TGFBRAP1: variants seen among roughly 807,000 people sequenced by gnomAD.
TGFBRAP1 encodes transforming growth factor-beta receptor-associated protein 1.
Under a neutral mutation model 83.2 loss-of-function variants are expected in TGFBRAP1, and 20 were observed. That is an observed-to-expected ratio of 0.24 (90% CI 0.17 to 0.35). The LOEUF is 0.35. Among genes scored for constraint, TGFBRAP1 ranks in the 10% least tolerant of loss-of-function variants. The pLI, the probability that TGFBRAP1 is intolerant of heterozygous loss-of-function variation, is 1.00. For synonymous variants in TGFBRAP1, 415 were observed against 459.8 expected (o/e 0.90, Z 1.25); for missense variants, 950 against 1,099.4 (o/e 0.86, Z 1.92).
chr2:105,291,192 T>A (rs79333331), intron 4 of TGFBRAP1, among the ~76,000 whole-genome samples: 4,667 of 152,062 alleles, frequency 0.031, 137 homozygotes, highest in Admixed American at 0.084. Context: ...GGTGGAGCCC[T>A]CATGAATGGG....
the TGFBRAP1 span, among the ~76,000 whole-genome samples, chr2:105,254,127 T>A: frequency 6.6e-6 from 1 of 152,328 alleles, no homozygotes; most frequent in African/African-American, 2.4e-5. Flanking sequence ...TAAATTTTTC[T>A]GCCTAGCTGC....
At chr2:105,251,231 C>A in the TGFBRAP1 span, among the ~76,000 whole-genome samples, 7 of 150,558 alleles carry the variant, frequency 4.6e-5, no homozygotes, top group South Asian at 2.1e-4. Flanking sequence ...GCCGCCACCC[C>A]GTCTGGGAAG....
intron 4 of TGFBRAP1, among the ~76,000 whole-genome samples, chr2:105,285,082 T>C (rs561998862): frequency 2.6e-5 from 4 of 152,336 alleles, no homozygotes; most frequent in Non-Finnish European, 5.9e-5. Flanking sequence ...ATGGCTGGTG[T>C]CCTCGTCTTG....
intron 5 of TGFBRAP1, among the ~76,000 whole-genome samples, chr2:105,283,605 T>C (rs1324889908): frequency 1.3e-5 from 2 of 152,222 alleles, no homozygotes; most frequent in Non-Finnish European, 2.9e-5. Context: ...CTTAATCTTC[T>C]GCAAAGAGTG....
In TGFBRAP1 at chr2:105,269,396, C is replaced by G; in HGVS notation, c.2282G>C (p.Trp761Ser). The change falls in exon 11 of 12, where the codon TGG becomes TCG. Residue 761 changes from tryptophan (W) to serine (S), a missense_variant. Physicochemically the swap from Trp to Ser is radical, Grantham distance 177 (BLOSUM62 -3). Coordinates refer to ENST00000393359, the MANE Select transcript of TGFBRAP1 (RefSeq NM_004257.6). The surrounding 1 kb of genome is among the most constrained non-coding windows in gnomAD (Gnocchi z 4.1). ...GAATGGGCAGAGGAGCTGCACTGAC[C>G]AGGTGTCAGGCAGCATCTGCAGCAC... Reference protein sequence around the residue: ...AQVLQMLPDTWSVQLLCPFLM... With the variant: ...AQVLQMLPDTSSVQLLCPFLM... The G allele has an allele frequency of 6.2e-7, 1 of 1,613,998 alleles. No individual in the cohort carries two copies. Among genetic ancestry groups the G allele is most frequent in the Non-Finnish European group, 8.5e-7 (1 of 1,180,008 alleles).
chr2:105,252,456 G>T, the TGFBRAP1 span, among the ~76,000 whole-genome samples: 1 of 152,284 alleles, frequency 6.6e-6, no homozygotes, highest in Non-Finnish European at 1.5e-5. Flanking sequence ...CTTGCAGGGG[G>T]TTCTGGGGAG....
intron 9 of TGFBRAP1, 63 bp from the exon 10 acceptor site, chr2:105,273,077 T>G: frequency 7.0e-6 from 11 of 1,574,146 alleles, no homozygotes; most frequent in Non-Finnish European, 9.5e-6. Flanking sequence ...GTCAAAGCTC[T>G]CCCCTGTCAG....
chr2:105,283,492 T>G (rs1220334252), intron 5 of TGFBRAP1, among the ~76,000 whole-genome samples: 2 of 152,226 alleles, frequency 1.3e-5, no homozygotes, highest in African/African-American at 4.8e-5. Context: ...ATTTCTTAGA[T>G]AGCTGTAAAC....
At chr2:105,298,761 C>T in intron 2 of TGFBRAP1, 56 bp from the exon 3 acceptor site, 1 of 1,497,360 alleles carries the variant, frequency 6.7e-7, no homozygotes, top group Non-Finnish European at 9.0e-7. Context: ...GTGTCATTTT[C>T]CTGTAGCTAT....
downstream of TGFBRAP1, among the ~76,000 whole-genome samples, chr2:105,263,269 G>T (rs1354766500): frequency 2.0e-5 from 3 of 152,204 alleles, no homozygotes; most frequent in East Asian, 5.8e-4. Flanking sequence ...AGGTAAAAAT[G>T]AGAAAAGAAT....
At chr2:105,277,316 G>T (rs555255571) in intron 7 of TGFBRAP1, among the ~76,000 whole-genome samples, 6 of 152,160 alleles carry the variant, frequency 3.9e-5, no homozygotes, top group Non-Finnish European at 8.8e-5. Flanking sequence ...TTTCTGATAA[G>T]GGTAGTGATA....
intron 10 of TGFBRAP1, among the ~76,000 whole-genome samples, chr2:105,272,120 C>T (rs1011389336): frequency 1.3e-5 from 2 of 152,088 alleles, no homozygotes; most frequent in African/African-American, 4.8e-5. Context: ...CATCACTAAC[C>T]CCAGTGAGTA....
At chr2:105,300,937 A>G (rs949908413) in intron 2 of TGFBRAP1, among the ~76,000 whole-genome samples, 1 of 152,044 alleles carries the variant, frequency 6.6e-6, no homozygotes, top group African/African-American at 2.4e-5. Flanking sequence ...AAAAGATAAA[A>G]TTGAGGTTGG....
chr2:105,278,834 T>A (rs1044729126), intron 6 of TGFBRAP1, among the ~76,000 whole-genome samples: 5 of 151,894 alleles, frequency 3.3e-5, no homozygotes, highest in African/African-American at 1.2e-4. Flanking sequence ...GATCCCACCA[T>A]CCCTTGTCAC....
chr2:105,317,374 T>C (rs1156963820), intron 1 of TGFBRAP1, among the ~76,000 whole-genome samples: 1 of 151,806 alleles, frequency 6.6e-6, no homozygotes, highest in Admixed American at 6.6e-5. Flanking sequence ...GAGGCGGAGA[T>C]TGCAGTGAGC....
chr2:105,252,944 C>T, the TGFBRAP1 span, among the ~76,000 whole-genome samples: 44 of 151,540 alleles, frequency 2.9e-4, no homozygotes, highest in African/African-American at 1.0e-3. Context: ...TTAGTAGCGA[C>T]GGGGTTTCAC....
chr2:105,277,885 T>G lies in TGFBRAP1; in HGVS notation c.1464-214A>C, dbSNP rs536287209. On this transcript the variant is annotated intron_variant, in intron 6 of 11. Coordinates refer to ENST00000393359, the MANE Select transcript of TGFBRAP1 (RefSeq NM_004257.6). Reference sequence around the variant, plus strand: ...CCTGGGCAACAACATAGTGAGATCTTGTCTTTATTAAAATATTTTTAAAAA... The same window carrying G: ...CCTGGGCAACAACATAGTGAGATCTGGTCTTTATTAAAATATTTTTAAAAA... Among the ~76,000 whole-genome samples the G allele has an allele frequency of 4.7e-4, 72 of 152,254 alleles. 2 individuals are homozygous for G. The South Asian group carries it at 0.013, about 29-fold the overall frequency.
chr2:105,307,611 C>T lies in TGFBRAP1; in HGVS notation c.688+3G>A. 1 of 1,603,930 alleles carries T rather than the reference C, an allele frequency of 6.2e-7. No homozygotes were observed. On this transcript the variant is annotated splice_donor_region_variant and intron_variant, in intron 2 of 11. Coordinates refer to ENST00000393359, the MANE Select transcript of TGFBRAP1 (RefSeq NM_004257.6). ...ATCAGGCGCACAAATGCATCCTCCTCACCCAGCCCTCCGGGGCCCGCCAGC... is the reference window on the plus strand; with the variant it reads ...ATCAGGCGCACAAATGCATCCTCCTTACCCAGCCCTCCGGGGCCCGCCAGC...
chr2:105,251,607 G>A, the TGFBRAP1 span, among the ~76,000 whole-genome samples: 1 of 151,984 alleles, frequency 6.6e-6, no homozygotes, highest in East Asian at 1.9e-4. Context: ...GAAGTGAGGA[G>A]CCCCTCTGCC....
Sources: gnomAD v4.1 joint callset for allele counts (sites outside exome capture counted in the v4.1 genomes callset) on GRCh38, gnomAD v4.1.1 for gene constraint, Gnocchi (gnomAD v3.1) non-coding constraint, MANE v1.5 for transcripts, NCBI Gene and HGNC (gene_info 2026-07-23, HGNC 2026-07-21) for gene names.